DPP9: variants seen among roughly 807,000 people sequenced by gnomAD.
The protein encoded by DPP9 is dipeptidyl peptidase IV-related protein-2.
In DPP9, 50 loss-of-function variants were observed where a neutral mutation model predicts 110.7. That is an observed-to-expected ratio of 0.45 (90% confidence interval 0.36 to 0.57). The LOEUF (loss-of-function observed/expected upper bound fraction) is 0.57. DPP9 is among the 20% of genes least tolerant of loss of function. The probability of loss-of-function intolerance (pLI) is 0.00; values close to 1 mark genes in which losing one functional copy is unlikely to be tolerated. For missense variants in DPP9, 1,022 were observed against 1,217.9 expected (o/e 0.84, Z 2.39); for synonymous variants, 561 against 514.4 (o/e 1.09, Z -1.23).
intron 4 of DPP9, among the ~76,000 whole-genome samples, chr19:4,706,886 T>G (rs570526081): frequency 6.6e-6 from 1 of 152,322 alleles, no homozygotes; most frequent in Admixed American, 6.5e-5. Context: ...CATTCGGGCC[T>G]GGACCATCCT....
Position 4,700,330 on chromosome 19 carries a change from G to A in DPP9, c.1013-53C>T, listed in dbSNP as rs1219875045. 8 of 1,498,384 alleles carry A rather than the reference G, an allele frequency of 5.3e-6. No homozygotes were observed. Among genetic ancestry groups the A allele is most frequent in the Non-Finnish European group, 7.3e-6 (8 of 1,097,904 alleles). The allele number at this position is 1,498,384 out of a possible 1,614,324, so 92.8% of individuals were successfully genotyped here. ...CAGGCAGGCATCACCCGTGTGTGCCGAGAGCCGGCACGGGGGGCCTGGGCT... is the reference window on the plus strand; with the variant it reads ...CAGGCAGGCATCACCCGTGTGTGCCAAGAGCCGGCACGGGGGGCCTGGGCT... On this transcript the variant is annotated intron_variant, in intron 9 of 21. Transcript: ENST00000262960. The surrounding 1 kb of genome is among the most constrained non-coding windows in gnomAD (Gnocchi z 4.3).
intron 3 of DPP9, chr19:4,719,577 T>C (rs1163704456): frequency 1.9e-6 from 1 of 515,584 alleles, no homozygotes; most frequent in African/African-American, 1.9e-5. Flanking sequence ...TGGCATGAAG[T>C]GGGTGGAGGC....
At chr19:4,719,686 TACGCCACACTGCCTCC>T in intron 3 of DPP9, 149 bp downstream of exon 3, 1 of 810,766 alleles carries the variant, frequency 1.2e-6, no homozygotes, top group Admixed American at 2.3e-5. Context: ...GACCCCGCAC[TACGCCACACTGCCTCC>T]TCGCTTGAAA....
rs2090075760 is a variant in DPP9, at chr19:4,682,691, C to CGTAA, written c.2474+4_2474+5insTTAC. On this transcript the variant is annotated splice_donor_region_variant and intron_variant, in intron 20 of 21. Transcript: ENST00000262960. This position sits in a 1 kb window ranked among gnomAD's most constrained non-coding sequence, Gnocchi z 7.1. Reference sequence around the variant, plus strand: ...GAGGAGCGCAGGGCAGGGCAGTGGCCTTACTCATTGGGCAGCTTCTCCACG... The same window carrying CGTAA: ...GAGGAGCGCAGGGCAGGGCAGTGGCCGTAATTACTCATTGGGCAGCTTCTCCACG... 6.2e-7 allele frequency: 1 copy of CGTAA among 1,609,064 alleles called. No homozygotes were observed. Among genetic ancestry groups the CGTAA allele is most frequent in the South Asian group, 1.1e-5 (1 of 89,972 alleles).
At chr19:4,714,006 T>C (rs2092959999) in intron 4 of DPP9, 75 bp downstream of exon 4, 9 of 1,499,726 alleles carry the variant, frequency 6.0e-6, no homozygotes, top group East Asian at 2.4e-5. Context: ...TGTGGACCTC[T>C]GGGAACAGAG....
rs992753540 is a variant in DPP9 at position 4,685,310 on chromosome 19, C to T, written c.2031+316G>A. ...TTTGACCCCTGCTCCAGGAATTGGG[C>T]CCAGGGCCCATGGCCACCTCCATAC... On this transcript the variant is annotated intron_variant, in intron 17 of 21. Coordinates refer to ENST00000262960, the MANE Select transcript of DPP9 (RefSeq NM_139159.5). This position sits in a 1 kb window ranked among gnomAD's most constrained non-coding sequence, Gnocchi z 5.8. The T allele has an allele frequency of 2.8e-5, 16 of 573,268 alleles. No individual in the cohort carries two copies. Among genetic ancestry groups the T allele is most frequent in the Admixed American group, 6.5e-5 (3 of 45,894 alleles). The allele number at this position is 573,268 out of a possible 1,614,324, so 35.5% of individuals were successfully genotyped here. A position where few individuals can be genotyped will look rare whatever the true frequency, so the allele number is the denominator to read the frequency against.
Position 4,685,998 on chromosome 19 carries a change from G to A in DPP9, c.1886-227C>T, listed in dbSNP as rs1489708949. On this transcript the variant is annotated intron_variant, in intron 16 of 21. Transcript: ENST00000262960. This position sits in a 1 kb window ranked among gnomAD's most constrained non-coding sequence, Gnocchi z 5.8. Reference sequence around the variant, plus strand: ...TCTCCCTGTTGCCCAGGCTGGTCTCGACTTCCTGGCCTCAAGCGATCCTCC... The same window carrying A: ...TCTCCCTGTTGCCCAGGCTGGTCTCAACTTCCTGGCCTCAAGCGATCCTCC... 15 of 491,308 alleles carry A rather than the reference G, an allele frequency of 3.1e-5. No individual in the cohort carries two copies. The highest frequency in any genetic ancestry group is 7.3e-5 in the East Asian group (2 of 27,552). The allele number at this position is 491,308 out of a possible 1,614,324, so 30.4% of individuals were successfully genotyped here.
Position 4,684,548 on chromosome 19 carries a change from G to C in DPP9, c.2178+115C>G, listed in dbSNP as rs751923634. 1.2e-5 allele frequency: 15 copies of C among 1,260,854 alleles called. No homozygotes were observed. Among genetic ancestry groups the C allele is most frequent in the Non-Finnish European group, 1.4e-5 (13 of 912,344 alleles). The allele number at this position is 1,260,854 out of a possible 1,614,324, so 78.1% of individuals were successfully genotyped here. ...CATTGAGCCTGCGTCACCCCAGCCA[G>C]AAGTGCCCTTCTGCGGGTGGTATTC... On this transcript the variant is annotated intron_variant, in intron 18 of 21. Transcript: ENST00000262960. The surrounding 1 kb of genome is among the most constrained non-coding windows in gnomAD (Gnocchi z 4.8).
At chr19:4,713,945 C>T (rs1025425983) in intron 4 of DPP9, 136 bp downstream of exon 4, 17 of 1,346,406 alleles carry the variant, frequency 1.3e-5, no homozygotes, top group Admixed American at 2.9e-5. Context: ...GGCTGAGCCT[C>T]GAAGGACAGC....
chr19:4,676,518 G>C lies in DPP9; in HGVS notation c.*46C>G. The C allele has an allele frequency of 2.0e-6, 3 of 1,517,896 alleles. No individual in the cohort carries two copies. Among genetic ancestry groups the C allele is most frequent in the Non-Finnish European group, 2.7e-6 (3 of 1,111,502 alleles). The allele number at this position is 1,517,896 out of a possible 1,614,324, so 94.0% of individuals were successfully genotyped here. On this transcript the variant is annotated 3_prime_UTR_variant, in exon 22 of 22. Transcript: ENST00000262960. The surrounding 1 kb of genome is among the most constrained non-coding windows in gnomAD (Gnocchi z 4.0). ...CCCTCCCGCCTGGTTCCCCGCGGAG[G>C]CTGCAGCCACTTGTGCTGTGATGTG...
At position 4,697,589 on chromosome 19, in the gene DPP9, C is replaced by T; in HGVS notation, c.1137G>A (p.Glu379=). ...QPFSSLFPKV[E]YIARAGWTRD... ...GGGTCCACCCGGCCCTGGCGATGTA[C>T]TCCACCTTCGGGAACAGCGAGCTGA... Residue 379 remains glutamate (E), a synonymous_variant, in exon 11 of 22, where the codon GAG becomes GAA. Coordinates refer to ENST00000262960, the MANE Select transcript of DPP9 (RefSeq NM_139159.5). 1 of 1,613,952 alleles carries T rather than the reference C, an allele frequency of 6.2e-7. No individual in the cohort carries two copies. The highest frequency in any genetic ancestry group is 8.5e-7 in the Non-Finnish European group (1 of 1,179,874).
At position 4,693,974 on chromosome 19, in the gene DPP9, C is replaced by T. The variant is rs1481031993; in HGVS notation, c.1516+687G>A. On this transcript the variant is annotated intron_variant, in intron 13 of 21. Coordinates refer to ENST00000262960, the MANE Select transcript of DPP9 (RefSeq NM_139159.5). This position sits in a 1 kb window ranked among gnomAD's most constrained non-coding sequence, Gnocchi z 5.0. ...TGGTGTGGACCCCTCACCTCCACAGCATGCTCTCCAGAGACGTCCTCATGC... is the reference window on the plus strand; with the variant it reads ...TGGTGTGGACCCCTCACCTCCACAGTATGCTCTCCAGAGACGTCCTCATGC... 6.6e-6 allele frequency among the ~76,000 whole-genome samples: 1 copy of T among 152,012 alleles called. No individual in the cohort carries two copies. The highest frequency in any genetic ancestry group is 1.5e-5 in the Non-Finnish European group (1 of 67,968).
At chr19:4,680,938 C>G (rs1028700361) in intron 20 of DPP9, among the ~76,000 whole-genome samples, 1 of 152,142 alleles carries the variant, frequency 6.6e-6, no homozygotes, top group Non-Finnish European at 1.5e-5. Flanking sequence ...GCCGGGACCA[C>G]AGAGTGAGAC....
In DPP9 at chr19:4,676,622, G is replaced by C; in HGVS notation, c.2621C>G (p.Pro874Arg). 2.5e-6 allele frequency: 4 copies of C among 1,609,000 alleles called. No individual in the cohort carries two copies. Among genetic ancestry groups the C allele is most frequent in the Non-Finnish European group, 3.4e-6 (4 of 1,177,698 alleles). The change falls in exon 22 of 22, where the codon CCC becomes CGC. Residue 874 changes from proline (P) to arginine (R), a missense_variant. Pro to Arg is a moderately radical substitution (Grantham distance 103, BLOSUM62 -2). Transcript: ENST00000262960. The surrounding 1 kb of genome is among the most constrained non-coding windows in gnomAD (Gnocchi z 4.0). The part of the protein sequence containing the change: ...YPNERHSIRC[P>R]ESGEHYEVTL... ...GACTTCATAGTGCTCGCCCGACTCG[G>C]GGCAGCGAATACTGTGTCTCTCGTT...
In DPP9 at chr19:4,685,491, G is replaced by T; in HGVS notation, c.2031+135C>A. ...GGACCCTGTGTAGTCAGGGCAGGCG[G>T]GGTGGGCTGGGGCACCAGGCAGGTA... On this transcript the variant is annotated intron_variant, in intron 17 of 21. Coordinates refer to ENST00000262960, the MANE Select transcript of DPP9 (RefSeq NM_139159.5). This position sits in a 1 kb window ranked among gnomAD's most constrained non-coding sequence, Gnocchi z 5.8. The T allele has an allele frequency of 1.0e-6, 1 of 1,004,080 alleles. No individual in the cohort carries two copies. The highest frequency in any genetic ancestry group is 2.1e-5 in the Admixed American group (1 of 47,378). The allele number at this position is 1,004,080 out of a possible 1,614,324, so 62.2% of individuals were successfully genotyped here.
intron 8 of DPP9, 85 bp downstream of exon 8, chr19:4,702,518 G>C (rs1388158987): frequency 9.6e-7 from 1 of 1,038,584 alleles, no homozygotes; most frequent in Non-Finnish European, 1.4e-6. Flanking sequence ...TGAGGTGAAA[G>C]GAGTAAGGCG....
intron 3 of DPP9, among the ~76,000 whole-genome samples, 154 bp from the exon 4 acceptor site, chr19:4,714,491 T>A (rs2092985075): frequency 6.6e-6 from 1 of 152,004 alleles, no homozygotes; most frequent in African/African-American, 2.4e-5. Flanking sequence ...TTGGTCTACC[T>A]CTCTCCATGT....
chr19:4,676,761 T>G lies in DPP9; in HGVS notation c.2587-105A>C. ...AGGGCATCCGGGAAGGCGCAGGTGC[T>G]CTGAGGCCCAGTGATCTGGGTTTGA... On this transcript the variant is annotated intron_variant, in intron 21 of 21. Coordinates refer to ENST00000262960, the MANE Select transcript of DPP9 (RefSeq NM_139159.5). This position sits in a 1 kb window ranked among gnomAD's most constrained non-coding sequence, Gnocchi z 4.0. 1.1e-6 allele frequency: 1 copy of G among 885,590 alleles called. No individual in the cohort carries two copies. Among genetic ancestry groups the G allele is most frequent in the Non-Finnish European group, 1.8e-6 (1 of 553,786 alleles). The allele number at this position is 885,590 out of a possible 1,614,324, so 54.9% of individuals were successfully genotyped here. A position where few individuals can be genotyped will look rare whatever the true frequency, so the allele number is the denominator to read the frequency against.
At position 4,702,096 on chromosome 19, in the gene DPP9, C is replaced by A; in HGVS notation, c.943G>T (p.Glu315Ter). 1.2e-6 allele frequency: 2 copies of A among 1,613,962 alleles called. No homozygotes were observed. Among genetic ancestry groups the A allele is most frequent in the Admixed American group, 3.3e-5 (2 of 60,010 alleles). Residue 315 changes from glutamate (E) to a stop codon, truncating the protein, a stop_gained, in exon 9 of 22, where the codon GAG (glutamate) becomes TAG (stop). Transcript: ENST00000262960. LOFTEE classifies it high-confidence loss of function. Reference sequence around the variant, plus strand: ...GCAGGAGAGGGGACGTGAATGACCTCCACCTCGGACTCATCGACTTCCTCA... The same window carrying A: ...GCAGGAGAGGGGACGTGAATGACCTACACCTCGGACTCATCGACTTCCTCA... ...LYEEVDESEV[E>*]VIHVPSPALE...
Sources: gnomAD v4.1 joint callset for allele counts (sites outside exome capture counted in the v4.1 genomes callset) on GRCh38, gnomAD v4.1.1 for gene constraint, Gnocchi (gnomAD v3.1) non-coding constraint, MANE v1.5 for transcripts, NCBI Gene and HGNC (gene_info 2026-07-23, HGNC 2026-07-21) for gene names.